The following PIP5K1B variants were observed in gnomAD, a reference collection of about 807,000 sequenced individuals.
PIP5K1B encodes the protein phosphatidylinositol 4-phosphate 5-kinase type-1 beta.
In PIP5K1B, 42 loss-of-function variants were observed where a neutral mutation model predicts 67.0. The ratio of observed to expected loss-of-function variants is 0.63; its 90% CI spans 0.49 to 0.81. The LOEUF is 0.81. Among genes scored for constraint, PIP5K1B ranks in the 30% least tolerant of loss-of-function variants. The probability of loss-of-function intolerance (pLI) is 0.00; values close to 1 mark genes in which losing one functional copy is unlikely to be tolerated. For synonymous variants in PIP5K1B, 214 were observed against 231.4 expected (o/e 0.92, Z 0.68); for missense variants, 459 against 646.3 (o/e 0.71, Z 3.14).
chr9:68,790,363 C>CTA (rs1367088018), intron 2 of PIP5K1B, among the ~76,000 whole-genome samples: 2 of 152,180 alleles, frequency 1.3e-5, no homozygotes, highest in Non-Finnish European at 2.9e-5. Context: ...CAGTTTCATA[C>CTA]TATCATGTCC....
chr9:68,825,871 G>A (rs1587510902), intron 4 of PIP5K1B, among the ~76,000 whole-genome samples: 1 of 152,218 alleles, frequency 6.6e-6, no homozygotes, highest in African/African-American at 2.4e-5. Flanking sequence ...TTACTGGGCA[G>A]CTGCCAGTAA....
intron 1 of PIP5K1B, among the ~76,000 whole-genome samples, chr9:68,726,131 ATTGT>A (rs1171569132): frequency 6.6e-6 from 1 of 152,212 alleles, no homozygotes. Context: ...GTGTGATTGG[ATTGT>A]TTGTAACACA....
At chr9:68,753,164 G>A (rs536209127) in intron 2 of PIP5K1B, among the ~76,000 whole-genome samples, 25 of 144,552 alleles carry the variant, frequency 1.7e-4, no homozygotes, top group Admixed American at 1.6e-3. Flanking sequence ...ATGCCGTAAT[G>A]AATACTGAAT....
chr9:68,977,489 C>T (rs924028965), intron 14 of PIP5K1B, among the ~76,000 whole-genome samples: 2 of 152,126 alleles, frequency 1.3e-5, no homozygotes, highest in Non-Finnish European at 2.9e-5. Context: ...GGCTACTGCA[C>T]TCCAGCCTGG....
chr9:68,855,746 A>G (rs1822740890), intron 4 of PIP5K1B, among the ~76,000 whole-genome samples: 1 of 152,082 alleles, frequency 6.6e-6, no homozygotes, highest in Admixed American at 6.6e-5. Flanking sequence ...ACTGCCCCCA[A>G]TCACTTTCCT....
At chr9:68,716,972 CA>C (rs2132252342) in intron 1 of PIP5K1B, among the ~76,000 whole-genome samples, 1 of 152,286 alleles carries the variant, frequency 6.6e-6, no homozygotes, top group South Asian at 2.1e-4. Context: ...TTATCCTAAG[CA>C]AATTAACACA....
intron 1 of PIP5K1B, among the ~76,000 whole-genome samples, chr9:68,715,346 C>T (rs1164981268): frequency 1.3e-5 from 2 of 152,152 alleles, no homozygotes; most frequent in Non-Finnish European, 2.9e-5. Flanking sequence ...GAGCCCTGCA[C>T]GGTCCTGGTC....
rs558817750 is a variant in PIP5K1B, at chr9:68,785,311, A to G, written c.-85-33150A>G. Among the ~76,000 whole-genome samples the G allele has an allele frequency of 3.9e-5, 6 of 152,304 alleles. No homozygotes were observed. In the East Asian group the frequency reaches 9.7e-4, roughly 25 times the overall value. ...TTTACCTTATCAGCCATGACAAAGTATAGAGAATCTGGTCTCAATGTAGGT... is the reference window on the plus strand; with the variant it reads ...TTTACCTTATCAGCCATGACAAAGTGTAGAGAATCTGGTCTCAATGTAGGT... On this transcript the variant is annotated intron_variant, in intron 2 of 15. Coordinates refer to ENST00000265382, the MANE Select transcript of PIP5K1B (RefSeq NM_003558.4).
At chr9:68,910,201 G>T (rs1825788301) in intron 8 of PIP5K1B, among the ~76,000 whole-genome samples, 1 of 152,174 alleles carries the variant, frequency 6.6e-6, no homozygotes, top group South Asian at 2.1e-4. Context: ...AAACAACTTT[G>T]CCTTTTATCT....
At chr9:68,816,005 A>G (rs1833423971) in intron 2 of PIP5K1B, among the ~76,000 whole-genome samples, 1 of 152,214 alleles carries the variant, frequency 6.6e-6, no homozygotes, top group African/African-American at 2.4e-5. Flanking sequence ...ATCTTTTCAA[A>G]TGAGAAAACT....
At chr9:68,871,429 T>A (rs974090009) in intron 5 of PIP5K1B, among the ~76,000 whole-genome samples, 3 of 152,226 alleles carry the variant, frequency 2.0e-5, no homozygotes, top group Non-Finnish European at 4.4e-5. Flanking sequence ...GAATTCCAGA[T>A]GGCGGCTAAT....
chr9:68,937,735 G>T (rs1166405431), intron 13 of PIP5K1B, among the ~76,000 whole-genome samples: 1 of 151,998 alleles, frequency 6.6e-6, no homozygotes, highest in Admixed American at 6.5e-5. Flanking sequence ...TTCTCTTGTG[G>T]GCATTTAGTG....
intron 4 of PIP5K1B, among the ~76,000 whole-genome samples, chr9:68,837,223 C>T (rs192705152): frequency 6.6e-6 from 1 of 152,254 alleles, no homozygotes; most frequent in African/African-American, 2.4e-5. Context: ...AGGAACTTGG[C>T]CCATGACCTC....
At chr9:68,771,922 T>G (rs1313049897) in intron 2 of PIP5K1B, among the ~76,000 whole-genome samples, 1 of 152,256 alleles carries the variant, frequency 6.6e-6, no homozygotes, top group Non-Finnish European at 1.5e-5. Flanking sequence ...ATTTAGTTTA[T>G]AAATTTGTAT....
At chr9:68,874,793 G>A (rs2132309675) in intron 5 of PIP5K1B, among the ~76,000 whole-genome samples, 1 of 152,206 alleles carries the variant, frequency 6.6e-6, no homozygotes, top group South Asian at 2.1e-4. Flanking sequence ...AGAAGAAATT[G>A]GCAACACTCT....
At chr9:68,802,706 G>T (rs1052146435) in intron 2 of PIP5K1B, among the ~76,000 whole-genome samples, 1 of 152,190 alleles carries the variant, frequency 6.6e-6, no homozygotes, top group Non-Finnish European at 1.5e-5. Flanking sequence ...GATGTGCCAG[G>T]CATTGAAGTG....
intron 14 of PIP5K1B, among the ~76,000 whole-genome samples, chr9:68,964,676 G>C (rs1040932772): frequency 6.6e-6 from 1 of 152,206 alleles, no homozygotes; most frequent in Admixed American, 6.5e-5. Flanking sequence ...TAATAATGTG[G>C]TTAAAGAAGA....
At chr9:68,893,744 A>T (rs1244139136) in intron 7 of PIP5K1B, among the ~76,000 whole-genome samples, 1 of 152,124 alleles carries the variant, frequency 6.6e-6, no homozygotes, top group East Asian at 1.9e-4. Context: ...AGTGACAAAA[A>T]CCTGCAGAAA....
chr9:68,810,848 T>C (rs559983681), intron 2 of PIP5K1B, among the ~76,000 whole-genome samples: 1 of 152,236 alleles, frequency 6.6e-6, no homozygotes, highest in Non-Finnish European at 1.5e-5. Context: ...TATAATTGGC[T>C]AACCTTTTGA....
Sources: allele counts gnomAD v4.1 joint callset (sites outside exome capture counted in the v4.1 genomes callset), GRCh38; gene constraint gnomAD v4.1.1; transcripts MANE v1.5; gene names NCBI Gene and HGNC (gene_info 2026-07-23, HGNC 2026-07-21).